Variants in SS18 observed in about 807,000 individuals in gnomAD.
The protein encoded by SS18 is protein SSXT.
A neutral mutation model predicts 72.5 loss-of-function variants in SS18; 28 were observed. The observed-to-expected ratio is 0.39, with a 90% confidence interval of 0.29 to 0.53. The LOEUF (loss-of-function observed/expected upper bound fraction) is 0.53. SS18 is among the 20% of genes least tolerant of loss of function. The pLI is 0.76. For missense variants in SS18, 518 were observed against 535.3 expected (o/e 0.97, Z 0.32); for synonymous variants, 172 against 164.2 (o/e 1.05, Z -0.37).
intron 3 of SS18, among the ~76,000 whole-genome samples, chr18:26,063,664 G>C (rs975613204): frequency 3.3e-5 from 5 of 152,076 alleles, no homozygotes; most frequent in African/African-American, 1.2e-4. Flanking sequence ...TATGCTTACA[G>C]GACCATTTAT....
intron 2 of SS18, among the ~76,000 whole-genome samples, chr18:26,081,753 T>TTTTTTTTTTTTTTGAG (rs2054527487): frequency 6.6e-6 from 1 of 151,110 alleles, no homozygotes; most frequent in African/African-American, 2.5e-5. Context: ...CTTAATGTTT[T>TTTTTTTTTTTTTTGAG]ATTCCTAAAA....
At position 26,090,598 on chromosome 18, in the gene SS18, C is replaced by G; in HGVS notation, c.-29G>C. The G allele has an allele frequency of 6.4e-7, 1 of 1,557,978 alleles. No homozygotes were observed. The highest frequency in any genetic ancestry group is 1.4e-5 in the African/African-American group (1 of 73,382). On this transcript the variant is annotated 5_prime_UTR_variant, in exon 1 of 11. Coordinates refer to ENST00000415083, the MANE Select transcript of SS18 (RefSeq NM_001007559.3). ...GCCGCCGTCACCACTATCGGCAAGTCCCGAGCGCTCCGGGTGAACGGCAAA... is the reference window on the plus strand; with the variant it reads ...GCCGCCGTCACCACTATCGGCAAGTGCCGAGCGCTCCGGGTGAACGGCAAA...
Position 26,035,701 on chromosome 18 carries a change from G to T in SS18, c.973+130C>A. On this transcript the variant is annotated intron_variant, in intron 8 of 10. Transcript: ENST00000415083. This position sits in a 1 kb window ranked among gnomAD's most constrained non-coding sequence, Gnocchi z 4.4. ...TTATTTTGATTGTTTTGGGCTCCCT[G>T]CAACTTTCAAGAAAGCCAGCAACTA... The T allele has an allele frequency of 2.0e-6, 1 of 488,240 alleles. No individual in the cohort carries two copies. Among genetic ancestry groups the T allele is most frequent in the Non-Finnish European group, 3.5e-6 (1 of 285,438 alleles). 30.2% of individuals were successfully genotyped at this position (488,240 alleles called of 1,614,324 possible).
chr18:26,055,978 C>CA (rs2054013804), intron 4 of SS18, among the ~76,000 whole-genome samples: 1 of 151,978 alleles, frequency 6.6e-6, no homozygotes, highest in African/African-American at 2.4e-5. Flanking sequence ...AGGATGGTCT[C>CA]AATCTCTTGA....
chr18:26,076,628 T>C (rs2054417915), intron 3 of SS18, among the ~76,000 whole-genome samples: 2 of 151,972 alleles, frequency 1.3e-5, no homozygotes, highest in African/African-American at 2.4e-5. Context: ...AAGCATCTTA[T>C]TGTTAGTGTT....
In SS18 at chr18:26,016,651, A is replaced by AG. The variant is rs1353297212; in HGVS notation, c.*1702dup. The AG allele has an allele frequency of 5.3e-6, 1 of 188,082 alleles. No homozygotes were observed. The highest frequency in any genetic ancestry group is 1.1e-5 in the Non-Finnish European group (1 of 89,416). 11.7% of individuals were successfully genotyped at this position (188,082 alleles called of 1,614,324 possible). A position where few individuals can be genotyped will look rare whatever the true frequency, so the allele number is the denominator to read the frequency against. On this transcript the variant is annotated 3_prime_UTR_variant, in exon 11 of 11. Coordinates refer to ENST00000415083, the MANE Select transcript of SS18 (RefSeq NM_001007559.3). ...GGCAGGAGAACTGCTTGAACCTGGG[A>AG]GGCGGAGGTTGCAGTGAGCTGAGAT...
At position 26,016,750 on chromosome 18, in the gene SS18, A is replaced by G. The variant is rs2053258442; in HGVS notation, c.*1604T>C. ...AAAAAAAAAACAAAGAACAAAAAACAAAAACAAAAAAACCTGTTCTGACCT... is the reference window on the plus strand; with the variant it reads ...AAAAAAAAAACAAAGAACAAAAAACGAAAACAAAAAAACCTGTTCTGACCT... On this transcript the variant is annotated 3_prime_UTR_variant, in exon 11 of 11. Transcript: ENST00000415083. 3 of 228,448 alleles carry G rather than the reference A, an allele frequency of 1.3e-5. No individual in the cohort carries two copies. Among genetic ancestry groups the G allele is most frequent in the African/African-American group, 2.2e-5 (1 of 45,034 alleles). 14.2% of individuals were successfully genotyped at this position (228,448 alleles called of 1,614,324 possible).
chr18:26,061,297 A>G (rs779397035), intron 3 of SS18, among the ~76,000 whole-genome samples: 24 of 152,208 alleles, frequency 1.6e-4, no homozygotes, highest in Admixed American at 3.9e-4. Context: ...TGGGCCACAG[A>G]GCGAGACTCC....
rs80099396 is a variant in SS18, at chr18:26,017,020, T to C, written c.*1334A>G. On this transcript the variant is annotated 3_prime_UTR_variant, in exon 11 of 11. Transcript: ENST00000415083. The stretch of plus-strand genomic sequence containing the variant: ...TACCTTTGGGCTAGATGTTTTCAGA[T>C]TATGCTTAAATAACCGTGGTTAGAA... 0.012 allele frequency: 2,688 copies of C among 225,476 alleles called. 55 individuals carry two copies. Among genetic ancestry groups the C allele is most frequent in the African/African-American group, 0.055 (2,469 of 45,010 alleles). 14.0% of individuals were successfully genotyped at this position (225,476 alleles called of 1,614,324 possible). A position where few individuals can be genotyped will look rare whatever the true frequency, so the allele number is the denominator to read the frequency against.
At chr18:26,044,347 C>T (rs1315584141) in intron 5 of SS18, among the ~76,000 whole-genome samples, 4 of 136,670 alleles carry the variant, frequency 2.9e-5, no homozygotes, top group African/African-American at 9.1e-5. Flanking sequence ...TTTTTTGAGA[C>T]GGAGTCTTGC....
At chr18:26,031,104 C>A (rs2053535982) in intron 10 of SS18, among the ~76,000 whole-genome samples, 1 of 152,166 alleles carries the variant, frequency 6.6e-6, no homozygotes, top group Admixed American at 6.5e-5. Flanking sequence ...AGTTTACCTG[C>A]AGATTACAAT....
intron 3 of SS18, 68 bp from the exon 4 acceptor site, chr18:26,057,810 A>T: frequency 7.0e-7 from 1 of 1,423,446 alleles, no homozygotes; most frequent in Non-Finnish European, 9.3e-7. Flanking sequence ...AGGGTAAAAG[A>T]GTTGCTTATG....
Position 26,057,487 on chromosome 18 carries a change from C to G in SS18, c.385+102G>C. 5.0e-6 allele frequency: 7 copies of G among 1,396,052 alleles called. 1 individual carries two copies. The South Asian group carries it at 8.6e-5, about 17-fold the overall frequency. The allele number at this position is 1,396,052 out of a possible 1,614,324, so 86.5% of individuals were successfully genotyped here. ...AAGAGAGCTTGTACTCGGGGGCATT[C>G]AAAGCAGTTTTGTCATCAACAATCT... On this transcript the variant is annotated intron_variant, in intron 4 of 10. Coordinates refer to ENST00000415083, the MANE Select transcript of SS18 (RefSeq NM_001007559.3).
chr18:26,066,674 C>CTGGA (rs899832579), intron 3 of SS18, among the ~76,000 whole-genome samples: 10 of 152,030 alleles, frequency 6.6e-5, no homozygotes, highest in Admixed American at 1.3e-4. Context: ...CTTTACCTAT[C>CTGGA]TGGACTCAAT....
At chr18:26,027,604 G>A (rs558869789) in intron 10 of SS18, among the ~76,000 whole-genome samples, 8 of 149,934 alleles carry the variant, frequency 5.3e-5, no homozygotes, top group South Asian at 2.1e-4. Flanking sequence ...CCCGGAAGGC[G>A]GTGGTTGCAG....
In SS18 at chr18:26,082,470, G is replaced by A. The variant is rs771292682; in HGVS notation, c.147-4310C>T. 78 of 984,160 alleles carry A rather than the reference G, an allele frequency of 7.9e-5. No homozygotes were observed. In the South Asian group the frequency reaches 9.9e-4, roughly 12 times the overall value. 61.0% of individuals were successfully genotyped at this position (984,160 alleles called of 1,614,324 possible). On this transcript the variant is annotated intron_variant, in intron 2 of 10. Transcript: ENST00000415083. ...CTCTTTTAAATTACGATGAATGATC[G>A]ACACTAATTTTTTTTGTTGTTTGAA...
At chr18:26,044,646 A>G (rs2053788778) in intron 5 of SS18, among the ~76,000 whole-genome samples, 1 of 151,994 alleles carries the variant, frequency 6.6e-6, no homozygotes, top group Non-Finnish European at 1.5e-5. Context: ...ATTTAACATC[A>G]GTTATTTTAA....
intron 5 of SS18, among the ~76,000 whole-genome samples, chr18:26,044,301 T>C (rs12326713): frequency 0.071 from 10,761 of 151,830 alleles, 570 homozygotes; most frequent in East Asian, 0.15. Context: ...TTTTATTTTA[T>C]GTTGTATGCT....
At chr18:26,047,295 A>AAGCTCCAT (rs1247746736) in intron 5 of SS18, among the ~76,000 whole-genome samples, 12 of 151,356 alleles carry the variant, frequency 7.9e-5, no homozygotes, top group African/African-American at 2.9e-4. Context: ...AGAAGAAGAA[A>AAGCTCCAT]AGCTCCATGG....
Sources: gnomAD v4.1 joint callset for allele counts (sites outside exome capture counted in the v4.1 genomes callset) on GRCh38, gnomAD v4.1.1 for gene constraint, Gnocchi (gnomAD v3.1) non-coding constraint, MANE v1.5 for transcripts, NCBI Gene and HGNC (gene_info 2026-07-23, HGNC 2026-07-21) for gene names.